The following CLOCK variants were observed in gnomAD, a reference collection of about 807,000 sequenced individuals.
CLOCK encodes clock circadian regulator.
In CLOCK, 43 loss-of-function variants were observed where a neutral mutation model predicts 118.4. That is an observed-to-expected ratio of 0.36 (90% CI 0.28 to 0.47). The LOEUF is 0.47. CLOCK is among the 20% of genes least tolerant of loss of function. CLOCK has a pLI of 1.00. For missense variants in CLOCK, 846 were observed against 999.9 expected (o/e 0.85, Z 2.08); for synonymous variants, 326 against 339.2 (o/e 0.96, Z 0.43).
chr4:55,521,311 T>C (rs7666895), intron 1 of CLOCK, among the ~76,000 whole-genome samples: 114,620 of 152,090 alleles, frequency 0.75, 43,518 homozygotes, highest in East Asian at 0.9. Context: ...CCACACCTCC[T>C]GGGTTCAAGC....
intron 13 of CLOCK, among the ~76,000 whole-genome samples, chr4:55,454,801 G>A (rs978240579): frequency 9.2e-5 from 14 of 151,780 alleles, no homozygotes; most frequent in African/African-American, 2.7e-4. Context: ...ACCAACATTC[G>A]GTGGAACAAA....
In CLOCK at chr4:55,442,589, G is replaced by A. The variant is rs143911374; in HGVS notation, c.1948C>T (p.Pro650Ser). 172 of 1,612,558 alleles carry A rather than the reference G, an allele frequency of 1.1e-4. 1 individual carries two copies. The highest frequency in any genetic ancestry group is 8.6e-4 in the South Asian group (78 of 90,952). The change falls in exon 21 of 23, where the codon CCC becomes TCC. Residue 650 changes from proline (P) to serine (S), a missense_variant. Transcript: ENST00000513440. ...GTAAGAGTGCTCTGTGTCTGACTGG[G>A]TAGAGATGTTTGCTGACTGTGCCCA... Reference protein sequence around the residue: ...LSGHSQQTSLPSQTQSTLTAP... With the variant: ...LSGHSQQTSLSSQTQSTLTAP...
intron 2 of CLOCK, among the ~76,000 whole-genome samples, chr4:55,504,143 G>A (rs924508832): frequency 6.6e-6 from 1 of 151,354 alleles, no homozygotes; most frequent in Admixed American, 6.6e-5. Flanking sequence ...AAAATTAGCT[G>A]GGTGTGGTGG....
intron 1 of CLOCK, among the ~76,000 whole-genome samples, chr4:55,536,892 C>A (rs551207962): frequency 6.6e-6 from 1 of 152,200 alleles, no homozygotes; most frequent in Non-Finnish European, 1.5e-5. Context: ...AATCAACAGA[C>A]TTGACCTAAC....
In CLOCK at chr4:55,478,837, A is replaced by G; in HGVS notation, c.234T>C (p.Ile78=). The G allele has an allele frequency of 6.2e-7, 1 of 1,612,914 alleles. No homozygotes were observed. The highest frequency in any genetic ancestry group is 1.1e-5 in the South Asian group (1 of 91,006). ...MDKSTVLQKS[I]DFLRKHKEIT... is the part of the protein sequence containing the mutation. ...TACCTTTATGTTTTCGTAAAAAATC[A>G]ATGCTTTTCTGCAGAACAGTAGATT... is the stretch of plus-strand genomic sequence containing the variant. Residue 78 remains isoleucine, a synonymous_variant, in exon 6 of 23, where the codon ATT becomes ATC. Coordinates refer to ENST00000513440, the MANE Select transcript of CLOCK (RefSeq NM_004898.4).
chr4:55,447,860 C>T (rs745606266), intron 18 of CLOCK, among the ~76,000 whole-genome samples: 5 of 152,044 alleles, frequency 3.3e-5, no homozygotes, highest in Non-Finnish European at 7.4e-5. Context: ...CCAAACAAAA[C>T]AGAAAAGTTG....
At chr4:55,460,189 A>C (rs1266135874) in intron 9 of CLOCK, among the ~76,000 whole-genome samples, 1 of 152,088 alleles carries the variant, frequency 6.6e-6, no homozygotes, top group Non-Finnish European at 1.5e-5. Flanking sequence ...CCACTTCTTA[A>C]AAGTCATCCT....
intron 1 of CLOCK, among the ~76,000 whole-genome samples, chr4:55,518,179 G>A (rs1349578264): frequency 6.6e-6 from 1 of 152,168 alleles, no homozygotes. Flanking sequence ...TTAGGGAAGG[G>A]AGGGTATAAT....
intron 2 of CLOCK, among the ~76,000 whole-genome samples, chr4:55,506,786 C>T (rs546605401): frequency 2.6e-5 from 4 of 152,196 alleles, no homozygotes; most frequent in African/African-American, 9.6e-5. Context: ...GTCTCAAACT[C>T]CTGACCACAG....
chr4:55,530,887 G>C (rs149958190), intron 1 of CLOCK, among the ~76,000 whole-genome samples: 1 of 151,392 alleles, frequency 6.6e-6, no homozygotes, highest in South Asian at 2.1e-4. Context: ...TGCAGACACG[G>C]AATAGCTCAG....
intron 1 of CLOCK, among the ~76,000 whole-genome samples, chr4:55,525,288 C>T (rs908376353): frequency 2.0e-5 from 3 of 152,138 alleles, no homozygotes; most frequent in Admixed American, 6.6e-5. Flanking sequence ...GCTTAGGCCA[C>T]ATACCCTGTT....
chr4:55,496,295 T>A (rs907821249), intron 2 of CLOCK, among the ~76,000 whole-genome samples: 5 of 152,102 alleles, frequency 3.3e-5, no homozygotes, highest in Admixed American at 2.0e-4. Flanking sequence ...TGCCAGCTCA[T>A]AATCTTTGTT....
chr4:55,460,788 C>T (rs1725277240), intron 9 of CLOCK, among the ~76,000 whole-genome samples: 1 of 152,166 alleles, frequency 6.6e-6, no homozygotes, highest in East Asian at 1.9e-4. Context: ...TCATAGATGG[C>T]TTTATCATCT....
intron 1 of CLOCK, among the ~76,000 whole-genome samples, chr4:55,541,057 T>C (rs1436680090): frequency 6.6e-6 from 1 of 152,228 alleles, no homozygotes; most frequent in Non-Finnish European, 1.5e-5. Context: ...GACTTAAAAT[T>C]AACAGAATTA....
At chr4:55,465,125 T>C (rs1236867392) in intron 8 of CLOCK, among the ~76,000 whole-genome samples, 1 of 152,184 alleles carries the variant, frequency 6.6e-6, no homozygotes, top group Non-Finnish European at 1.5e-5. Flanking sequence ...ATCAAAACTA[T>C]TCAGGAAAAA....
intron 21 of CLOCK, among the ~76,000 whole-genome samples, chr4:55,442,117 A>C (rs906908383): frequency 3.9e-5 from 6 of 152,190 alleles, no homozygotes; most frequent in African/African-American, 1.2e-4. Context: ...TCTAGCATCT[A>C]TATTGAAAAG....
At chr4:55,539,572 C>CAAAAAAAAAAAAAAA (rs57022769) in intron 1 of CLOCK, among the ~76,000 whole-genome samples, 1 of 52,064 alleles carries the variant, frequency 1.9e-5, no homozygotes, top group African/African-American at 8.1e-5. Flanking sequence ...GACCTTGTCT[C>CAAAAAAAAAAAAAAA]AAAAAAAAAA....
chr4:55,469,178 T>C (rs1350008404), intron 8 of CLOCK, among the ~76,000 whole-genome samples: 1 of 151,760 alleles, frequency 6.6e-6, no homozygotes, highest in Non-Finnish European at 1.5e-5. Flanking sequence ...CAGGCTGGAG[T>C]GCAATGGCTC....
At chr4:55,475,823 C>A in intron 7 of CLOCK, 140 bp downstream of exon 7, 1 of 656,308 alleles carries the variant, frequency 1.5e-6, no homozygotes. Flanking sequence ...TCATGTGACT[C>A]ATTTTACTGA....
Sources: allele counts gnomAD v4.1 joint callset (sites outside exome capture counted in the v4.1 genomes callset), GRCh38; gene constraint gnomAD v4.1.1; transcripts MANE v1.5; gene names NCBI Gene and HGNC (gene_info 2026-07-23, HGNC 2026-07-21).